ARHGEF12: variants seen among roughly 807,000 people sequenced by gnomAD.
ARHGEF12 encodes KMT2A/ARHGEF12 fusion protein.
A neutral mutation model predicts 211.2 loss-of-function variants in ARHGEF12; 66 were observed. That is an observed-to-expected ratio of 0.31 (90% CI 0.26 to 0.38). The LOEUF is 0.38. ARHGEF12 is among the 10% of genes least tolerant of loss of function. The probability of loss-of-function intolerance (pLI) is 1.00; values close to 1 mark genes in which losing one functional copy is unlikely to be tolerated. For synonymous variants in ARHGEF12, 592 were observed against 638.4 expected (o/e 0.93, Z 1.09); for missense variants, 1,429 against 1,869.5 (o/e 0.76, Z 4.34).
At chr11:120,429,050 A>G (rs1945444832) in intron 8 of ARHGEF12, among the ~76,000 whole-genome samples, 1 of 152,150 alleles carries the variant, frequency 6.6e-6, no homozygotes, top group Non-Finnish European at 1.5e-5. Context: ...AGGAGGGATG[A>G]TGGGTGATGA....
chr11:120,366,535 C>G (rs1187688200), intron 1 of ARHGEF12, among the ~76,000 whole-genome samples: 1 of 152,160 alleles, frequency 6.6e-6, no homozygotes, highest in African/African-American at 2.4e-5. Context: ...TGTTGCAATT[C>G]AAATATGGAG....
At chr11:120,469,422 A>G (rs753587419) in intron 30 of ARHGEF12, 34 bp downstream of exon 30, 1 of 1,499,214 alleles carries the variant, frequency 6.7e-7, no homozygotes. Context: ...ACAGGATGAC[A>G]TTGGGAGAAC....
At chr11:120,398,511 G>A (rs1045285527) in intron 1 of ARHGEF12, among the ~76,000 whole-genome samples, 8 of 152,088 alleles carry the variant, frequency 5.3e-5, no homozygotes, top group African/African-American at 1.9e-4. Context: ...AAAATCAGAG[G>A]TCCTTTTATC....
rs778347703 is a variant in ARHGEF12 at position 120,488,768 on chromosome 11, A to C, written c.*3691A>C. On this transcript the variant is annotated 3_prime_UTR_variant, in exon 41 of 41. Coordinates refer to ENST00000397843, the MANE Select transcript of ARHGEF12 (RefSeq NM_015313.3). ...TACAATCATGTACTCTTTAACAGAA[A>C]TTGCTTTTAAAAAATATCTGGAACT... 2 of 213,548 alleles carry C rather than the reference A, an allele frequency of 9.4e-6. No individual in the cohort carries two copies. The highest frequency in any genetic ancestry group is 5.9e-5 in the Admixed American group (1 of 17,072). The allele number at this position is 213,548 out of a possible 1,614,324, so 13.2% of individuals were successfully genotyped here.
chr11:120,342,892 C>T (rs754142405), intron 1 of ARHGEF12, among the ~76,000 whole-genome samples: 5 of 152,088 alleles, frequency 3.3e-5, no homozygotes, highest in Non-Finnish European at 7.4e-5. Context: ...CATCTTGTTG[C>T]AATATGATGA....
chr11:120,383,671 G>A (rs1943942499), intron 1 of ARHGEF12, among the ~76,000 whole-genome samples: 1 of 152,126 alleles, frequency 6.6e-6, no homozygotes, highest in South Asian at 2.1e-4. Flanking sequence ...GGCTCAGGTG[G>A]TAATGCGAGT....
intron 10 of ARHGEF12, among the ~76,000 whole-genome samples, chr11:120,430,313 TAGAG>T (rs1366674175): frequency 1.3e-5 from 2 of 152,244 alleles, no homozygotes; most frequent in South Asian, 2.1e-4. Context: ...CATATATACT[TAGAG>T]AGAGTTAGAG....
chr11:120,475,314 A>T lies in ARHGEF12; in HGVS notation c.3110-26A>T, dbSNP rs377087494. On this transcript the variant is annotated intron_variant, in intron 32 of 40. Coordinates refer to ENST00000397843, the MANE Select transcript of ARHGEF12 (RefSeq NM_015313.3). ...ACGCGTCTCCATTTCTGTACTTACC[A>T]TTTTTTTCTGCACTTTTATTTCTAG... 412 of 1,606,598 alleles carry T rather than the reference A, an allele frequency of 2.6e-4. 1 individual carries two copies. The highest frequency in any genetic ancestry group is 2.5e-3 in the Middle Eastern group (15 of 6,030).
intron 33 of ARHGEF12, chr11:120,476,272 A>G: frequency 6.3e-6 from 1 of 157,642 alleles, no homozygotes; most frequent in Non-Finnish European, 1.4e-5. Flanking sequence ...GGGTTTCGCC[A>G]TGCTGCCCAG....
chr11:120,482,235 C>G lies in ARHGEF12; in HGVS notation c.4554+659C>G, dbSNP rs374798471. Among the ~76,000 whole-genome samples the G allele has an allele frequency of 4.9e-4, 75 of 152,248 alleles. No homozygotes were observed. The East Asian group carries it at 7.3e-3, about 15-fold the overall frequency. ...GGGTTTATGTAGTTATGAATCTAGG[C>G]TGAGAAATGCTATGACTTTCTGTAG... On this transcript the variant is annotated intron_variant, in intron 39 of 40. Coordinates refer to ENST00000397843, the MANE Select transcript of ARHGEF12 (RefSeq NM_015313.3).
At chr11:120,465,034 C>A in intron 27 of ARHGEF12, 4 of 573,212 alleles carry the variant, frequency 7.0e-6, no homozygotes, top group Non-Finnish European at 5.9e-6. Flanking sequence ...AAGAAGAAAA[C>A]ATTGGAATAT....
chr11:120,424,439 T>G (rs1243909834), intron 7 of ARHGEF12, 24 bp downstream of exon 7: 1 of 1,608,058 alleles, frequency 6.2e-7, no homozygotes, highest in Non-Finnish European at 8.5e-7. Context: ...ATTCTTAGTT[T>G]TAATTGTTTT....
chr11:120,408,029 G>A lies in ARHGEF12; in HGVS notation c.142+206G>A, dbSNP rs906700069. On this transcript the variant is annotated intron_variant, in intron 3 of 40. Coordinates refer to ENST00000397843, the MANE Select transcript of ARHGEF12 (RefSeq NM_015313.3). ...CAACACTGTACATTCCACTACAGAA[G>A]TATCATTGTAGAGTATATTGTATCT... 15 of 452,266 alleles carry A rather than the reference G, an allele frequency of 3.3e-5. No individual in the cohort carries two copies. The South Asian group carries it at 4.6e-4, about 14-fold the overall frequency. The allele number at this position is 452,266 out of a possible 1,614,324, so 28.0% of individuals were successfully genotyped here.
At chr11:120,459,090 C>A in intron 25 of ARHGEF12, 84 bp from the exon 26 acceptor site, 2 of 1,070,252 alleles carry the variant, frequency 1.9e-6, no homozygotes, top group Non-Finnish European at 2.5e-6. Context: ...AATTCATTTG[C>A]TACTTCACTC....
intron 1 of ARHGEF12, among the ~76,000 whole-genome samples, chr11:120,353,617 G>A (rs1185710314): frequency 6.6e-6 from 1 of 152,132 alleles, no homozygotes; most frequent in Admixed American, 6.5e-5. Flanking sequence ...CCTACCCACT[G>A]CCTGCCTTGC....
intron 1 of ARHGEF12, among the ~76,000 whole-genome samples, chr11:120,352,142 T>C (rs1238844899): frequency 6.6e-6 from 1 of 152,210 alleles, no homozygotes; most frequent in Non-Finnish European, 1.5e-5. Flanking sequence ...CTTAATCACC[T>C]GTTTTCCCTA....
intron 1 of ARHGEF12, among the ~76,000 whole-genome samples, chr11:120,345,840 T>TA (rs1306763980): frequency 1.3e-5 from 2 of 151,886 alleles, no homozygotes; most frequent in East Asian, 3.9e-4. Flanking sequence ...TGTTAGCTAA[T>TA]ACGTGAGTTC....
rs780902732 is a variant in ARHGEF12, at chr11:120,337,231, G to T, written c.-13G>T. 5 of 1,614,010 alleles carry T rather than the reference G, an allele frequency of 3.1e-6. No homozygotes were observed. The Admixed American group carries it at 5.0e-5, about 16-fold the overall frequency. On this transcript the variant is annotated 5_prime_UTR_variant, in exon 1 of 41. Transcript: ENST00000397843. Reference sequence around the variant, plus strand: ...AAGTTGGATAAAAGGAGGACCTCTCGCCAAGGGCCCCAATGAGTGGCACAC... The same window carrying T: ...AAGTTGGATAAAAGGAGGACCTCTCTCCAAGGGCCCCAATGAGTGGCACAC...
chr11:120,442,225 T>TA (rs757316609), intron 15 of ARHGEF12, 23 bp downstream of exon 15: 1 of 1,555,038 alleles, frequency 6.4e-7, no homozygotes, highest in Admixed American at 1.7e-5. Flanking sequence ...GTTAATGTTG[T>TA]AATCTTTGCC....
Sources: allele counts gnomAD v4.1 joint callset (sites outside exome capture counted in the v4.1 genomes callset), GRCh38; gene constraint gnomAD v4.1.1; transcripts MANE v1.5; gene names NCBI Gene and HGNC (gene_info 2026-07-23, HGNC 2026-07-21).